Variants in SLC25A48 observed in about 807,000 individuals in gnomAD.
The protein encoded by SLC25A48 is CTC-321K16.1.
SLC25A48 carries 29 observed loss-of-function variants against 32.2 expected under a neutral mutation model. The ratio of observed to expected loss-of-function variants is 0.90; its 90% confidence interval spans 0.67 to 1.23. SLC25A48 has a LOEUF of 1.23. Among genes scored for constraint, SLC25A48 ranks in the 50% most tolerant of loss-of-function variants. The probability of loss-of-function intolerance (pLI) is 0.00; values close to 1 mark genes in which losing one functional copy is unlikely to be tolerated. For synonymous variants in SLC25A48, 164 were observed against 172.3 expected, an observed-to-expected ratio of 0.95 and a Z score of 0.38; for missense variants, 399 against 422.7, an observed-to-expected ratio of 0.94 and a Z score of 0.49.
chr5:135,760,050 C>G (rs1410284795), intron 3 of SLC25A48, among the ~76,000 whole-genome samples: 1 of 151,958 alleles, frequency 6.6e-6, no homozygotes, highest in African/African-American at 2.4e-5. Context: ...AGGCTGGTGT[C>G]AAAATCTTGG....
At chr5:135,772,964 C>T (rs913268842) in intron 3 of SLC25A48, among the ~76,000 whole-genome samples, 1 of 150,546 alleles carries the variant, frequency 6.6e-6, no homozygotes, top group African/African-American at 2.4e-5. Flanking sequence ...AGGTGTACAC[C>T]TCTCTGTGAT....
At chr5:135,790,435 TTG>T (rs1756996525) in intron 3 of SLC25A48, among the ~76,000 whole-genome samples, 1 of 149,284 alleles carries the variant, frequency 6.7e-6, no homozygotes, top group Admixed American at 6.7e-5. Context: ...TGTACACGAT[TTG>T]TGTACATCCT....
At chr5:135,802,435 T>G (rs1459952058) in intron 3 of SLC25A48, among the ~76,000 whole-genome samples, 2 of 151,620 alleles carry the variant, frequency 1.3e-5, no homozygotes, top group Non-Finnish European at 3.0e-5. Context: ...ATTTATAATA[T>G]CCTAGGGAGG....
chr5:135,885,401 A>C (rs6596272), intron 7 of SLC25A48, among the ~76,000 whole-genome samples: 3,666 of 152,190 alleles, frequency 0.024, 146 homozygotes, highest in African/African-American at 0.083. Context: ...TTTAACCTAC[A>C]GGACACTCTT....
intron 3 of SLC25A48, among the ~76,000 whole-genome samples, chr5:135,687,244 AG>A (rs1011475682): frequency 4.2e-4 from 64 of 152,356 alleles, no homozygotes; most frequent in African/African-American, 1.5e-3. Context: ...TTGGGTGAGA[AG>A]GTGAGCACTT....
rs531232902 is a variant in SLC25A48, at chr5:135,681,812, T to C, written c.-521+46856T>C. On this transcript the variant is annotated intron_variant, in intron 3 of 10. Coordinates refer to the SLC25A48 transcript ENST00000646290. ...TCTAAGACTAGTTTTTTTTCGTTAA[T>C]GAGGCAATGCCCTCTGAATGTGCTA... is the stretch of plus-strand genomic sequence containing the variant. Among the ~76,000 whole-genome samples the C allele has an allele frequency of 1.8e-3, 280 of 152,302 alleles. 1 individual carries two copies. The highest frequency in any genetic ancestry group is 5.9e-3 in the African/African-American group (247 of 41,578).
At chr5:135,703,530 GC>G (rs1310827509) in intron 3 of SLC25A48, among the ~76,000 whole-genome samples, 1 of 152,092 alleles carries the variant, frequency 6.6e-6, no homozygotes, top group African/African-American at 2.4e-5. Context: ...AACATGCCTG[GC>G]ATCCTACCAC....
chr5:135,748,420 C>T (rs910364379), intron 3 of SLC25A48, among the ~76,000 whole-genome samples: 3 of 151,990 alleles, frequency 2.0e-5, no homozygotes, highest in Non-Finnish European at 4.4e-5. Context: ...ACTCAGGTGC[C>T]TGCCACCACG....
chr5:135,766,815 C>T (rs1475784699), intron 3 of SLC25A48, among the ~76,000 whole-genome samples: 2 of 149,908 alleles, frequency 1.3e-5, no homozygotes, highest in Non-Finnish European at 3.0e-5. Context: ...CCCATACTGC[C>T]GAAAGTGTAC....
intron 3 of SLC25A48, among the ~76,000 whole-genome samples, chr5:135,723,376 T>TCACACACACACACA (rs1446274270): frequency 6.3e-5 from 3 of 47,660 alleles, no homozygotes; most frequent in Admixed American, 1.9e-4. Context: ...TCTCTCTCTC[T>TCACACACACACACA]CTCTCACACA....
intron 1 of SLC25A48, among the ~76,000 whole-genome samples, chr5:135,626,068 C>A (rs1451410321): frequency 3.3e-5 from 5 of 152,172 alleles, no homozygotes; most frequent in African/African-American, 7.2e-5. Flanking sequence ...TGAAATAAAC[C>A]TCAGGACAAT....
intron 3 of SLC25A48, among the ~76,000 whole-genome samples, chr5:135,766,904 C>G (rs1756247386): frequency 6.6e-6 from 1 of 151,610 alleles, no homozygotes; most frequent in African/African-American, 2.4e-5. Flanking sequence ...TGTGTACACT[C>G]TCCTATGATG....
At chr5:135,741,697 T>TAA (rs1383838639) in intron 3 of SLC25A48, among the ~76,000 whole-genome samples, 1 of 152,150 alleles carries the variant, frequency 6.6e-6, no homozygotes, top group Non-Finnish European at 1.5e-5. Context: ...GTCCTGATCA[T>TAA]AGCACTGTAC....
intron 3 of SLC25A48, among the ~76,000 whole-genome samples, chr5:135,795,705 G>A (rs1757152504): frequency 6.6e-6 from 1 of 151,532 alleles, no homozygotes; most frequent in African/African-American, 2.4e-5. Context: ...CATAACGCGG[G>A]AAGTCTACAC....
intron 3 of SLC25A48, among the ~76,000 whole-genome samples, chr5:135,770,009 G>C (rs895191326): frequency 2.6e-5 from 4 of 151,556 alleles, no homozygotes; most frequent in Non-Finnish European, 4.4e-5. Context: ...GTAATGTCTA[G>C]GTGGGGAAAG....
intron 3 of SLC25A48, among the ~76,000 whole-genome samples, chr5:135,802,401 C>T (rs1401522914): frequency 6.6e-6 from 1 of 151,388 alleles, no homozygotes; most frequent in Non-Finnish European, 1.5e-5. Flanking sequence ...GAATGTACAC[C>T]ATGTGCATAT....
chr5:135,800,352 C>T (rs1013346920), intron 3 of SLC25A48, among the ~76,000 whole-genome samples: 9 of 151,854 alleles, frequency 5.9e-5, no homozygotes, highest in African/African-American at 2.2e-4. Context: ...ATATTATTCC[C>T]AATATCGAAG....
intron 3 of SLC25A48, among the ~76,000 whole-genome samples, chr5:135,723,386 A>ACACACACACACACACG (rs1755013953): frequency 1.3e-5 from 1 of 79,996 alleles, no homozygotes; most frequent in African/African-American, 4.0e-5. Context: ...TCTCTCACAC[A>ACACACACACACACACG]CACACACACA....
chr5:135,719,729 C>T (rs764245600), intron 3 of SLC25A48, among the ~76,000 whole-genome samples: 1 of 152,134 alleles, frequency 6.6e-6, no homozygotes, highest in Non-Finnish European at 1.5e-5. Flanking sequence ...TATGGCCTCT[C>T]TCCCTGAGGT....
Sources: gnomAD v4.1 joint callset for allele counts (sites outside exome capture counted in the v4.1 genomes callset) on GRCh38, gnomAD v4.1.1 for gene constraint, MANE v1.5 for transcripts, NCBI Gene and HGNC (gene_info 2026-07-23, HGNC 2026-07-21) for gene names.